The following TMEM67 variants were observed in gnomAD, a reference collection of about 807,000 sequenced individuals.
TMEM67 encodes the protein meckelin.
In TMEM67, 124 loss-of-function variants were observed where a neutral mutation model predicts 136.6. The observed-to-expected ratio is 0.91, with a 90% confidence interval of 0.78 to 1.05. The LOEUF (loss-of-function observed/expected upper bound fraction) is 1.05. TMEM67 is among the 50% of genes least tolerant of loss of function. The pLI is 0.00. For synonymous variants in TMEM67, 364 were observed against 390.5 expected (o/e 0.93, Z 0.80); for missense variants, 1,107 against 1,178.4 (o/e 0.94, Z 0.89).
chr8:93,811,310 A>G (rs1228795647), intron 26 of TMEM67: 1 of 142,372 alleles, frequency 7.0e-6, no homozygotes, highest in Admixed American at 6.9e-5. Flanking sequence ...AAGAGGATCA[A>G]GGTAAGAGAA....
the TMEM67 span, among the ~76,000 whole-genome samples, chr8:93,832,430 G>T: frequency 6.6e-6 from 1 of 152,066 alleles, no homozygotes; most frequent in African/African-American, 2.4e-5. Context: ...TTCCTTATCT[G>T]CCAGAACCTC....
rs556219687 is a variant in TMEM67 at position 93,797,382 on chromosome 8, A to T, written c.2012A>T (p.Tyr671Phe). Residue 671 changes from tyrosine (Y) to phenylalanine (F), a missense_variant, in exon 20 of 28, where the codon TAT becomes TTT. By Grantham distance (22) the Tyr-to-Phe change is conservative (BLOSUM62 3). This residue lies in a region of TMEM67 where 925 missense variants were observed against 1,002.4 expected (regional missense o/e 0.92). Coordinates refer to ENST00000453321, the MANE Select transcript of TMEM67 (RefSeq NM_153704.6). Reference protein sequence around the residue: ...ATVPVSIWRTYFVANEWNEIQ... With the variant: ...ATVPVSIWRTFFVANEWNEIQ... The stretch of plus-strand genomic sequence containing the variant: ...GTTCCTGTAAGCATATGGAGAACAT[A>T]TTTTGTAGCAAATGAATGGAATGAA... 6.2e-7 allele frequency: 1 copy of T among 1,614,112 alleles called. No individual in the cohort carries two copies. The highest frequency in any genetic ancestry group is 1.3e-5 in the African/African-American group (1 of 75,054).
At chr8:93,760,484 C>T (rs932288474) in intron 3 of TMEM67, among the ~76,000 whole-genome samples, 2 of 151,944 alleles carry the variant, frequency 1.3e-5, no homozygotes, top group Admixed American at 6.6e-5. Flanking sequence ...AATTAAACTC[C>T]AAATGAGTCA....
intron 18 of TMEM67, among the ~76,000 whole-genome samples, chr8:93,796,533 C>T (rs1814626221): frequency 6.6e-6 from 1 of 152,158 alleles, no homozygotes; most frequent in Admixed American, 6.5e-5. Context: ...CTGGGAGCTT[C>T]TTGAGGTGAA....
chr8:93,809,056 G>GA lies in TMEM67; in HGVS notation c.2561dup (p.Asn854LysfsTer5), dbSNP rs386834197. 3.1e-6 allele frequency: 5 copies of GA among 1,600,396 alleles called. No individual in the cohort carries two copies. Among genetic ancestry groups the GA allele is most frequent in the Non-Finnish European group, 4.3e-6 (5 of 1,168,178 alleles). ...GTATTCATTTCTCTTTTTTACATTA[G>GA]AAAAATGGTCCTGCTAGACTACTGA... On this transcript the variant is annotated frameshift_variant and splice_region_variant. Transcript: ENST00000453321. LOFTEE classifies it high-confidence loss of function.
At chr8:93,788,625 C>G (rs985244608) in intron 14 of TMEM67, among the ~76,000 whole-genome samples, 1 of 152,158 alleles carries the variant, frequency 6.6e-6, no homozygotes, top group Non-Finnish European at 1.5e-5. Flanking sequence ...TCAGACTTTA[C>G]AGTGGGCATA....
At chr8:93,793,634 A>G (rs1208532544) in intron 16 of TMEM67, among the ~76,000 whole-genome samples, 2 of 152,124 alleles carry the variant, frequency 1.3e-5, no homozygotes, top group African/African-American at 4.8e-5. Flanking sequence ...TACTCTTCAT[A>G]TACATTTTAA....
chr8:93,829,014 G>C, the TMEM67 span, among the ~76,000 whole-genome samples: 1 of 152,104 alleles, frequency 6.6e-6, no homozygotes, highest in South Asian at 2.1e-4. Context: ...TAGACATTAT[G>C]AAATAATTTT....
At position 93,817,383 on chromosome 8, in the gene TMEM67, T is replaced by C. The variant is rs1808950075; in HGVS notation, c.*931T>C. 6.6e-6 allele frequency: 1 copy of C among 151,928 alleles called. No individual in the cohort carries two copies. Among genetic ancestry groups the C allele is most frequent in the Non-Finnish European group, 1.5e-5 (1 of 68,002 alleles). The allele number at this position is 151,928 out of a possible 1,614,324, so 9.4% of individuals were successfully genotyped here. On this transcript the variant is annotated 3_prime_UTR_variant, in exon 28 of 28. Transcript: ENST00000453321. ...CCATCTCTACAAAAAATACAAAAAT[T>C]AGTTGGATGTGGTGGCCTGTAATCC...
At chr8:93,831,612 C>T in the TMEM67 span, among the ~76,000 whole-genome samples, 1 of 152,154 alleles carries the variant, frequency 6.6e-6, no homozygotes, top group South Asian at 2.1e-4. Flanking sequence ...ATGAAAAGCC[C>T]TGCCTCCTTC....
downstream of TMEM67, among the ~76,000 whole-genome samples, chr8:93,820,453 G>A (rs1356406267): frequency 6.6e-6 from 1 of 152,166 alleles, no homozygotes; most frequent in Non-Finnish European, 1.5e-5. Flanking sequence ...TTCCTTGGCT[G>A]CATGTTGTGG....
Position 93,782,298 on chromosome 8 carries a change from T to C in TMEM67, c.1066-97T>C, listed in dbSNP as rs1431154896. ...ATATCCTTGATACATTAAATAAGTATTATGTAGAGCATATATCCATGTTCG... is the reference window on the plus strand; with the variant it reads ...ATATCCTTGATACATTAAATAAGTACTATGTAGAGCATATATCCATGTTCG... On this transcript the variant is annotated intron_variant, in intron 10 of 27. Coordinates refer to ENST00000453321, the MANE Select transcript of TMEM67 (RefSeq NM_153704.6). 15 of 850,330 alleles carry C rather than the reference T, an allele frequency of 1.8e-5. No homozygotes were observed. In the South Asian group the frequency reaches 2.0e-4, roughly 11 times the overall value. The allele number at this position is 850,330 out of a possible 1,614,324, so 52.7% of individuals were successfully genotyped here. A position where few individuals can be genotyped will look rare whatever the true frequency, so the allele number is the denominator to read the frequency against.
downstream of TMEM67, among the ~76,000 whole-genome samples, chr8:93,819,432 T>C (rs1158715959): frequency 1.3e-5 from 2 of 152,158 alleles, no homozygotes; most frequent in African/African-American, 4.8e-5. Context: ...GTATTGTCTC[T>C]GGGAGGGAGG....
rs1183761108 is a variant in TMEM67, at chr8:93,793,705, T to C, written c.1674+409T>C. Among the ~76,000 whole-genome samples the C allele has an allele frequency of 3.3e-5, 5 of 152,222 alleles. No homozygotes were observed. The East Asian group carries it at 9.6e-4, about 29-fold the overall frequency. The stretch of plus-strand genomic sequence containing the variant: ...ATATCCCTTGCCCATTTCTCTATTA[T>C]GTTTCCAGTTTTTATTGTTTATTTG... On this transcript the variant is annotated intron_variant, in intron 16 of 27. Transcript: ENST00000453321.
At chr8:93,794,915 A>G (rs1410302235) in intron 16 of TMEM67, 1 of 171,880 alleles carries the variant, frequency 5.8e-6, no homozygotes, top group Non-Finnish European at 1.3e-5. Context: ...AGATGAACGT[A>G]TGGAGTGGTT....
Position 93,771,013 on chromosome 8 carries a change from C to CAA in TMEM67, c.652-1562_652-1561dup, listed in dbSNP as rs768436450. On this transcript the variant is annotated intron_variant, in intron 6 of 27. Coordinates refer to ENST00000453321, the MANE Select transcript of TMEM67 (RefSeq NM_153704.6). The stretch of plus-strand genomic sequence containing the variant: ...CTGGGCAACAAGCGAAATTCCGTCT[C>CAA]AAAAAAAAAAAAAAATATTGATTTC... Among the ~76,000 whole-genome samples, 10 of 125,872 alleles carry CAA rather than the reference C, an allele frequency of 7.9e-5. No homozygotes were observed. The East Asian group carries it at 9.0e-4, about 11-fold the overall frequency. The allele number at this position is 125,872 out of a possible 152,430, so 82.6% of individuals were successfully genotyped here. A position where few individuals can be genotyped will look rare whatever the true frequency, so the allele number is the denominator to read the frequency against.
the TMEM67 span, among the ~76,000 whole-genome samples, chr8:93,826,993 C>T: frequency 6.6e-6 from 1 of 152,108 alleles, no homozygotes; most frequent in Non-Finnish European, 1.5e-5. Context: ...CCACGCCCAG[C>T]TAATTTTTTG....
rs1357848559 is a variant in TMEM67 at position 93,817,019 on chromosome 8, A to G, written c.*567A>G. 6.6e-6 allele frequency: 1 copy of G among 152,584 alleles called. No individual in the cohort carries two copies. The highest frequency in any genetic ancestry group is 2.1e-4 in the South Asian group (1 of 4,836). The allele number at this position is 152,584 out of a possible 1,614,324, so 9.5% of individuals were successfully genotyped here. A position where few individuals can be genotyped will look rare whatever the true frequency, so the allele number is the denominator to read the frequency against. ...TTAATTCACTGTTGGGTTAATATGC[A>G]TCTCATGAAATGATATCTTTTCATT... On this transcript the variant is annotated 3_prime_UTR_variant, in exon 28 of 28. Transcript: ENST00000453321.
chr8:93,774,154 A>G (rs1024857965), intron 7 of TMEM67, among the ~76,000 whole-genome samples: 1 of 151,884 alleles, frequency 6.6e-6, no homozygotes, highest in Non-Finnish European at 1.5e-5. Flanking sequence ...AGCTAGGACT[A>G]CAGGGGCATG....
Sources: allele counts gnomAD v4.1 joint callset (sites outside exome capture counted in the v4.1 genomes callset), GRCh38; gene constraint gnomAD v4.1.1; regional missense constraint gnomAD v4.1.1; transcripts MANE v1.5; gene names NCBI Gene and HGNC (gene_info 2026-07-23, HGNC 2026-07-21).